UBE3B: variants seen among roughly 807,000 people sequenced by gnomAD.
The protein encoded by UBE3B is ubiquitin-protein ligase E3B.
UBE3B carries 80 observed loss-of-function variants against 132.3 expected under a neutral mutation model. The observed-to-expected ratio is 0.60, with a 90% CI of 0.50 to 0.73. The LOEUF (loss-of-function observed/expected upper bound fraction) is 0.73. UBE3B is among the 30% of genes least tolerant of loss of function. The pLI is 0.00. For synonymous variants in UBE3B, 487 were observed against 520.4 expected (o/e 0.94, Z 0.87); for missense variants, 1,196 against 1,362.5 (o/e 0.88, Z 1.92).
chr12:109,493,762 CCA>C (rs1877799448), intron 9 of UBE3B, among the ~76,000 whole-genome samples: 1 of 152,192 alleles, frequency 6.6e-6, no homozygotes, highest in Non-Finnish European at 1.5e-5. Context: ...CATTCATGGG[CCA>C]CACATTGTTC....
intron 18 of UBE3B, among the ~76,000 whole-genome samples, chr12:109,514,570 C>T (rs1186360601): frequency 6.6e-6 from 1 of 152,206 alleles, no homozygotes; most frequent in Non-Finnish European, 1.5e-5. Context: ...GCCTGTGTAT[C>T]ACCAAACAGC....
Position 109,526,345 on chromosome 12 carries a change from T to C in UBE3B, c.2569-13T>C. On this transcript the variant is annotated splice_polypyrimidine_tract_variant and intron_variant, in intron 23 of 27. Coordinates refer to ENST00000342494, the MANE Select transcript of UBE3B (RefSeq NM_130466.4). ...GAGTCCTCCCTATTAATTACTCCCA[T>C]CTTCTCCCCCAGCTTGTTTGCCATG... 1.2e-6 allele frequency: 2 copies of C among 1,614,030 alleles called. No homozygotes were observed. Among genetic ancestry groups the C allele is most frequent in the Admixed American group, 1.7e-5 (1 of 60,012 alleles).
chr12:109,492,673 G>T (rs948044458), intron 9 of UBE3B: 1 of 150,904 alleles, frequency 6.6e-6, no homozygotes, highest in African/African-American at 2.4e-5. Flanking sequence ...AGCCAGGGAA[G>T]TCAAGGCTGC....
chr12:109,509,416 T>A, intron 15 of UBE3B, 180 bp from the exon 16 acceptor site: 1 of 497,148 alleles, frequency 2.0e-6, no homozygotes, highest in Non-Finnish European at 3.6e-6. Flanking sequence ...AGGCTCTCCC[T>A]CCCCTTTCCC....
downstream of UBE3B, among the ~76,000 whole-genome samples, chr12:109,540,775 CTGGGGAGGGACAAGTTATT>C (rs1260546115): frequency 6.6e-6 from 1 of 152,222 alleles, no homozygotes; most frequent in Non-Finnish European, 1.5e-5. Context: ...CTGCCTTATG[CTGGGGAGGGACAAGTTATT>C]TTACAACAAG....
intron 21 of UBE3B, among the ~76,000 whole-genome samples, chr12:109,523,486 C>T (rs780242339): frequency 9.2e-5 from 14 of 152,222 alleles, no homozygotes; most frequent in East Asian, 7.7e-4. Context: ...CCTGGGGCCT[C>T]GTACCAGTGC....
At chr12:109,544,667 G>A in the UBE3B span, among the ~76,000 whole-genome samples, 2 of 152,132 alleles carry the variant, frequency 1.3e-5, no homozygotes, top group African/African-American at 2.4e-5. Context: ...CGGGACTCTT[G>A]GGTGTCACTG....
Position 109,535,919 on chromosome 12 carries a change from C to T in UBE3B, c.*1137C>T, listed in dbSNP as rs1408468601. The stretch of plus-strand genomic sequence containing the variant: ...GCTCCAGGGAACTGAGGCAGAGGCC[C>T]TGTTTGTGGTCTGTGTTGACAGCCA... On this transcript the variant is annotated 3_prime_UTR_variant, in exon 28 of 28. Coordinates refer to ENST00000342494, the MANE Select transcript of UBE3B (RefSeq NM_130466.4). The T allele has an allele frequency of 1.3e-5, 2 of 152,246 alleles. No homozygotes were observed. The highest frequency in any genetic ancestry group is 2.9e-5 in the Non-Finnish European group (2 of 68,056). 9.4% of individuals were successfully genotyped at this position (152,246 alleles called of 1,614,324 possible). A position where few individuals can be genotyped will look rare whatever the true frequency, so the allele number is the denominator to read the frequency against.
intron 1 of UBE3B, among the ~76,000 whole-genome samples, chr12:109,480,192 T>G (rs1400379499): frequency 2.0e-5 from 3 of 151,662 alleles, no homozygotes; most frequent in Non-Finnish European, 2.9e-5. Flanking sequence ...CTGAAGAGTT[T>G]TTTTTTTTTT....
In UBE3B at chr12:109,534,443, T is replaced by G; in HGVS notation, c.3016-148T>G. 1.4e-6 allele frequency: 2 copies of G among 1,429,894 alleles called. No homozygotes were observed. The highest frequency in any genetic ancestry group is 3.1e-5 in the South Asian group (2 of 64,562). 88.6% of individuals were successfully genotyped at this position (1,429,894 alleles called of 1,614,324 possible). ...GTCGTCTTGTGTCTGGGGCTTGACC[T>G]CGGGTAGTGGTGCCAGGGCAGCGCC... On this transcript the variant is annotated intron_variant, in intron 27 of 27. Transcript: ENST00000342494. The surrounding 1 kb of genome is among the most constrained non-coding windows in gnomAD (Gnocchi z 5.2).
rs1422649877 is a variant in UBE3B, at chr12:109,483,988, C to T, written c.282+7C>T. On this transcript the variant is annotated splice_region_variant and intron_variant, in intron 4 of 27. Coordinates refer to ENST00000342494, the MANE Select transcript of UBE3B (RefSeq NM_130466.4). ...AATCAAAGAGGATAATGAGGTAAAA[C>T]GATAATAGCAAACATGTATAATACT... The T allele has an allele frequency of 5.0e-6, 8 of 1,606,970 alleles. No individual in the cohort carries two copies. Among genetic ancestry groups the T allele is most frequent in the East Asian group, 2.2e-5 (1 of 44,786 alleles).
chr12:109,503,797 A>T (rs1408779113), intron 14 of UBE3B, among the ~76,000 whole-genome samples: 3 of 152,218 alleles, frequency 2.0e-5, no homozygotes, highest in Non-Finnish European at 4.4e-5. Flanking sequence ...GTTGTTATGA[A>T]TTGGTCTTAC....
Position 109,536,384 on chromosome 12 carries a change from GA to G in UBE3B, c.*1604del, listed in dbSNP as rs552149631. ...GGGGACCCCAGACTGTCAGCACAGG[GA>G]AGATGGATCCCATCCTAATTTTTAT... On this transcript the variant is annotated 3_prime_UTR_variant, in exon 28 of 28. Coordinates refer to ENST00000342494, the MANE Select transcript of UBE3B (RefSeq NM_130466.4). 3.4e-4 allele frequency: 52 copies of G among 152,380 alleles called. No individual in the cohort carries two copies. Among genetic ancestry groups the G allele is most frequent in the African/African-American group, 1.2e-3 (48 of 41,588 alleles). 9.4% of individuals were successfully genotyped at this position (152,380 alleles called of 1,614,324 possible).
chr12:109,512,981 A>G (rs1880561237), intron 18 of UBE3B, among the ~76,000 whole-genome samples: 1 of 152,248 alleles, frequency 6.6e-6, no homozygotes, highest in Non-Finnish European at 1.5e-5. Context: ...GCTTCTCTGT[A>G]ACTTCTACCC....
chr12:109,498,406 G>T (rs56244055), intron 11 of UBE3B, 53 bp downstream of exon 11: 1 of 1,583,448 alleles, frequency 6.3e-7, no homozygotes, highest in Non-Finnish European at 8.6e-7. Flanking sequence ...GGGAAAGCCC[G>T]AGTGTTTTGC....
intron 12 of UBE3B, among the ~76,000 whole-genome samples, chr12:109,501,034 A>G (rs1010563072): frequency 2.0e-4 from 31 of 152,098 alleles, no homozygotes; most frequent in African/African-American, 7.5e-4. Flanking sequence ...TTGGCCCCCC[A>G]CCACCTGCAA....
chr12:109,503,043 C>T lies in UBE3B; in HGVS notation c.1303C>T (p.Gln435Ter). 6.2e-7 allele frequency: 1 copy of T among 1,614,158 alleles called. No individual in the cohort carries two copies. The highest frequency in any genetic ancestry group is 1.1e-5 in the South Asian group (1 of 91,074). The change falls in exon 14 of 28, where the codon CAA becomes TAA. Residue 435 changes from glutamine (Q) to a stop codon, truncating the protein, a stop_gained. Coordinates refer to ENST00000342494, the MANE Select transcript of UBE3B (RefSeq NM_130466.4). LOFTEE classifies it high-confidence loss of function. The stretch of plus-strand genomic sequence containing the variant: ...GCCAGGTCTCCTAAAGCGTGCTTTT[C>T]AAAAGTCGGCATCAGTCCGGAATAT... Reference protein sequence around the residue: ...PVKSLLKRAFQKSASVRNILR... With the variant: ...PVKSLLKRAF
intron 19 of UBE3B, chr12:109,519,478 G>A (rs1419104217): frequency 6.6e-6 from 1 of 152,218 alleles, no homozygotes. Flanking sequence ...AACGCTCCTT[G>A]AGCTAGGCCA....
intron 18 of UBE3B, among the ~76,000 whole-genome samples, chr12:109,514,358 T>A (rs1880737098): frequency 6.6e-6 from 1 of 152,230 alleles, no homozygotes; most frequent in Non-Finnish European, 1.5e-5. Context: ...GAATGATCCG[T>A]ACCCAACTGT....
Sources: allele counts gnomAD v4.1 joint callset (sites outside exome capture counted in the v4.1 genomes callset), GRCh38; gene constraint gnomAD v4.1.1; non-coding constraint Gnocchi (gnomAD v3.1); transcripts MANE v1.5; gene names NCBI Gene and HGNC (gene_info 2026-07-23, HGNC 2026-07-21).